The following USP54 variants were observed in gnomAD, a reference collection of about 807,000 sequenced individuals.
USP54 encodes ubiquitin carboxyl-terminal hydrolase 54.
USP54 carries 87 observed loss-of-function variants against 170.5 expected under a neutral mutation model. That is an observed-to-expected ratio of 0.51 (90% CI 0.43 to 0.61). The LOEUF (loss-of-function observed/expected upper bound fraction) is 0.61. Ranked by LOEUF, USP54 falls within the 20% of genes least tolerant of loss-of-function variation. The probability of loss-of-function intolerance (pLI) is 0.00; values close to 1 mark genes in which losing one functional copy is unlikely to be tolerated. For synonymous variants in USP54, 655 were observed against 742.8 expected, an observed-to-expected ratio of 0.88 and a Z score of 1.92; for missense variants, 1,786 against 2,047.8, an observed-to-expected ratio of 0.87 and a Z score of 2.47.
chr10:73,541,494 G>A lies in USP54; in HGVS notation c.706C>T (p.Arg236Cys), dbSNP rs2066591413. ...TGTGGAGCATTCATCAACACACGGCGAATCCTGATCCTCTCTCCACAGTTG... is the reference window on the plus strand; with the variant it reads ...TGTGGAGCATTCATCAACACACGGCAAATCCTGATCCTCTCTCCACAGTTG... The part of the protein sequence containing the change: ...PSNCGERIRI[R>C]RVLMNAPQII... The change falls in exon 9 of 24, where the codon CGC becomes TGC. Residue 236 changes from arginine to cysteine, a missense_variant. Arg to Cys is a radical substitution (Grantham distance 180, BLOSUM62 -3). Around this residue, in one of 3 missense-constraint regions of USP54, gnomAD observed 361 missense variants for 455.0 expected, o/e 0.79. Transcript: ENST00000687698. 8.7e-6 allele frequency: 14 copies of A among 1,614,166 alleles called. No individual in the cohort carries two copies. Among genetic ancestry groups the A allele is most frequent in the South Asian group, 3.3e-5 (3 of 91,080 alleles).
At chr10:73,504,315 T>A (rs2058702300) in intron 22 of USP54, 1 of 153,958 alleles carries the variant, frequency 6.5e-6, no homozygotes, top group Non-Finnish European at 1.4e-5. Flanking sequence ...TATTTAAGTT[T>A]GTTGATCTCT....
intron 3 of USP54, among the ~76,000 whole-genome samples, chr10:73,572,933 C>T (rs2075456469): frequency 6.6e-6 from 1 of 152,036 alleles, no homozygotes; most frequent in Non-Finnish European, 1.5e-5. Context: ...ATATCAATGC[C>T]TTATTTTGCC....
intron 4 of USP54, among the ~76,000 whole-genome samples, chr10:73,548,954 G>T (rs142782174): frequency 1.5e-3 from 230 of 152,206 alleles, no homozygotes; most frequent in African/African-American, 5.4e-3. Context: ...CCAGAAATAA[G>T]ACCATTTTAT....
intron 18 of USP54, 149 bp downstream of exon 18, chr10:73,520,759 G>C (rs2061765655): frequency 9.2e-7 from 1 of 1,084,350 alleles, no homozygotes; most frequent in African/African-American, 1.6e-5. Flanking sequence ...AGAAATCAAA[G>C]GGCAAAAACA....
chr10:73,613,798 G>C (rs1225234806), intron 1 of USP54: 1 of 151,738 alleles, frequency 6.6e-6, no homozygotes, highest in Non-Finnish European at 1.5e-5. Context: ...AGAATCACTT[G>C]AACCCAGAAG....
intron 20 of USP54, among the ~76,000 whole-genome samples, chr10:73,512,297 C>A (rs1375692669): frequency 6.6e-6 from 1 of 152,026 alleles, no homozygotes; most frequent in Non-Finnish European, 1.5e-5. Flanking sequence ...CACCACCACA[C>A]CCAGCTAATT....
At position 73,521,023 on chromosome 10, in the gene USP54, C is replaced by T. The variant is rs760778958; in HGVS notation, c.2367G>A (p.Arg789=). 30 of 1,613,772 alleles carry T rather than the reference C, an allele frequency of 1.9e-5. No homozygotes were observed. In the African/African-American group the frequency reaches 2.1e-4, roughly 11 times the overall value. Residue 789 remains arginine (R), a synonymous_variant, in exon 18 of 24, where the codon AGG becomes AGA. Transcript: ENST00000687698. ...MDLDELQNQG[R]SDGFERSLQE... ...GCAGGGACCTCTCAAAGCCGTCACT[C>T]CTCCCTGAAAGGGCCAGCACTTTTC...
At position 73,530,319 on chromosome 10, in the gene USP54, T is replaced by G. The variant is rs1027697825; in HGVS notation, c.1652A>C (p.His551Pro). The G allele has an allele frequency of 6.2e-7, 1 of 1,613,904 alleles. No homozygotes were observed. Among genetic ancestry groups the G allele is most frequent in the Non-Finnish European group, 8.5e-7 (1 of 1,179,974 alleles). ...DKKPPRTLPL[H>P]SRDWEIESTS... ...ACTCTCTATTTCCCAGTCACGAGAG[T>G]GTAAAGGCAGGGTCCTAGGAGGTTT... The change falls in exon 14 of 24, where the codon CAC becomes CCC. Residue 551 changes from histidine (H) to proline (P), a missense_variant. Transcript: ENST00000687698.
intron 22 of USP54, among the ~76,000 whole-genome samples, chr10:73,503,533 A>C (rs2058541895): frequency 6.6e-6 from 1 of 152,232 alleles, no homozygotes; most frequent in African/African-American, 2.4e-5. Flanking sequence ...TGAATGATAC[A>C]GAAGTCAGAA....
chr10:73,608,672 G>C (rs373439617), intron 1 of USP54, among the ~76,000 whole-genome samples: 1 of 152,132 alleles, frequency 6.6e-6, no homozygotes, highest in South Asian at 2.1e-4. Context: ...GAGGTGGGCA[G>C]ATCATTTGAG....
intron 4 of USP54, among the ~76,000 whole-genome samples, chr10:73,557,715 AC>A (rs770617779): frequency 6.6e-6 from 1 of 151,504 alleles, no homozygotes; most frequent in Non-Finnish European, 1.5e-5. Flanking sequence ...CAAACTCCTG[AC>A]CTCAGGTGAT....
At chr10:73,607,146 C>T (rs560082757) in intron 1 of USP54, among the ~76,000 whole-genome samples, 1 of 150,442 alleles carries the variant, frequency 6.6e-6, no homozygotes, top group Non-Finnish European at 1.5e-5. Flanking sequence ...CCCATCACTA[C>T]AAAAAATACA....
At chr10:73,507,610 G>A (rs549328832) in intron 20 of USP54, among the ~76,000 whole-genome samples, 3 of 147,344 alleles carry the variant, frequency 2.0e-5, no homozygotes, top group South Asian at 4.3e-4. Flanking sequence ...GGAGGCAGAG[G>A]CTGCAGTGAG....
intron 20 of USP54, among the ~76,000 whole-genome samples, chr10:73,515,067 C>G (rs1425608870): frequency 6.6e-6 from 1 of 151,624 alleles, no homozygotes; most frequent in South Asian, 2.1e-4. Flanking sequence ...AATAAAAAAT[C>G]AAATCTTATA....
intron 20 of USP54, among the ~76,000 whole-genome samples, chr10:73,507,883 C>T (rs1166415392): frequency 6.6e-6 from 1 of 151,728 alleles, no homozygotes; most frequent in Admixed American, 6.6e-5. Context: ...CACCTGCACT[C>T]GGAAGGCTGA....
intron 1 of USP54, among the ~76,000 whole-genome samples, chr10:73,600,652 G>A (rs549242951): frequency 7.9e-5 from 12 of 152,280 alleles, no homozygotes; most frequent in African/African-American, 1.4e-4. Context: ...AGGGGCTCGC[G>A]CCTATAATGC....
chr10:73,573,626 T>C lies in USP54; in HGVS notation c.147+1886A>G, dbSNP rs576059438. ...TAAAAGTACAAAAATTAGCCCAGCGTGGTGGTGCACAGCCTGTAATCCCAG... is the reference window on the plus strand; with the variant it reads ...TAAAAGTACAAAAATTAGCCCAGCGCGGTGGTGCACAGCCTGTAATCCCAG... On this transcript the variant is annotated intron_variant, in intron 3 of 23. Coordinates refer to ENST00000687698, the MANE Select transcript of USP54 (RefSeq NM_001391956.1). 2.6e-4 allele frequency among the ~76,000 whole-genome samples: 40 copies of C among 152,186 alleles called. 1 individual carries two copies. The East Asian group carries it at 6.4e-3, about 24-fold the overall frequency.
At chr10:73,512,014 G>A (rs1173379196) in intron 20 of USP54, among the ~76,000 whole-genome samples, 1 of 152,036 alleles carries the variant, frequency 6.6e-6, no homozygotes, top group Non-Finnish European at 1.5e-5. Flanking sequence ...CCAAAGTGCT[G>A]GGATTACAGG....
At chr10:73,518,126 C>T in intron 19 of USP54, 1 of 959,054 alleles carries the variant, frequency 1.0e-6, no homozygotes. Flanking sequence ...GTAAGCAAAG[C>T]CTGAAAATCA....
Sources: gnomAD v4.1 joint callset for allele counts (sites outside exome capture counted in the v4.1 genomes callset) on GRCh38, gnomAD v4.1.1 for gene constraint, gnomAD v4.1.1 regional missense constraint, MANE v1.5 for transcripts, NCBI Gene and HGNC (gene_info 2026-07-23, HGNC 2026-07-21) for gene names.